The following GMCL1 variants were observed in gnomAD, a reference collection of about 807,000 sequenced individuals.
The protein encoded by GMCL1 is germ cell-less protein-like 1.
GMCL1 carries 54 observed loss-of-function variants against 75.5 expected under a neutral mutation model. The ratio of observed to expected loss-of-function variants is 0.71; its 90% CI spans 0.57 to 0.90. The LOEUF is 0.90. Among genes scored for constraint, GMCL1 ranks in the 40% least tolerant of loss-of-function variants. GMCL1 has a pLI of 0.00. For synonymous variants in GMCL1, 210 were observed against 209.6 expected (o/e 1.00, Z -0.02); for missense variants, 537 against 622.7 (o/e 0.86, Z 1.47).
Position 69,847,528 on chromosome 2 carries a change from A to G in GMCL1, c.759-15A>G, listed in dbSNP as rs1218832218. 9 of 1,542,084 alleles carry G rather than the reference A, an allele frequency of 5.8e-6. No homozygotes were observed. The highest frequency in any genetic ancestry group is 8.1e-6 in the Non-Finnish European group (9 of 1,115,064). On this transcript the variant is annotated splice_polypyrimidine_tract_variant and intron_variant, in intron 6 of 13. Coordinates refer to ENST00000282570, the MANE Select transcript of GMCL1 (RefSeq NM_178439.5). Reference sequence around the variant, plus strand: ...GCCTAAAGATAAGCTCACTCCCTCTATTTATCCTTTTCAGTATAAATGTCA... The same window carrying G: ...GCCTAAAGATAAGCTCACTCCCTCTGTTTATCCTTTTCAGTATAAATGTCA...
At chr2:69,835,496 T>C (rs1490808280) in intron 1 of GMCL1, among the ~76,000 whole-genome samples, 2 of 151,874 alleles carry the variant, frequency 1.3e-5, no homozygotes, top group Admixed American at 6.6e-5. Flanking sequence ...TGTCCACTTA[T>C]ATTTAAGAAG....
Position 69,837,526 on chromosome 2 carries a change from CTTT to C in GMCL1, c.261-18_261-16del. ...CATTCAGTTTTATATAAATATGTGA[CTTT>C]TTCATTTCTTTTAACAGGAAAAAAT... On this transcript the variant is annotated intron_variant, in intron 1 of 13. Coordinates refer to ENST00000282570, the MANE Select transcript of GMCL1 (RefSeq NM_178439.5). 1 of 1,464,032 alleles carries C rather than the reference CTTT, an allele frequency of 6.8e-7. No individual in the cohort carries two copies. The highest frequency in any genetic ancestry group is 9.2e-7 in the Non-Finnish European group (1 of 1,083,058). 90.7% of individuals were successfully genotyped at this position (1,464,032 alleles called of 1,614,324 possible). A position where few individuals can be genotyped will look rare whatever the true frequency, so the allele number is the denominator to read the frequency against.
At position 69,830,643 on chromosome 2, in the gene GMCL1, C is replaced by G. The variant is rs139669778; in HGVS notation, c.260+491C>G. Among the ~76,000 whole-genome samples the G allele has an allele frequency of 4.5e-4, 69 of 152,172 alleles. No homozygotes were observed. In the East Asian group the frequency reaches 0.011, roughly 24 times the overall value. ...TGTTAATTGTAAAGGTGAAGTTTAT[C>G]AATAGTGTACATTTGTTCCTAACTA... On this transcript the variant is annotated intron_variant, in intron 1 of 13. Coordinates refer to ENST00000282570, the MANE Select transcript of GMCL1 (RefSeq NM_178439.5).
rs1032145317 is a variant in GMCL1 at position 69,839,568 on chromosome 2, A to G, written c.481+15A>G. 7.5e-7 allele frequency: 1 copy of G among 1,337,250 alleles called. No homozygotes were observed. Among genetic ancestry groups the G allele is most frequent in the Non-Finnish European group, 1.1e-6 (1 of 932,676 alleles). 82.8% of individuals were successfully genotyped at this position (1,337,250 alleles called of 1,614,324 possible). ...TGATGTAGAAGGTAACTACCACAAT[A>G]ATTACTATTATGCAACAATCGTAAA... On this transcript the variant is annotated intron_variant, in intron 3 of 13. Coordinates refer to ENST00000282570, the MANE Select transcript of GMCL1 (RefSeq NM_178439.5).
At chr2:69,846,145 A>G (rs1675134319) in intron 6 of GMCL1, among the ~76,000 whole-genome samples, 1 of 151,802 alleles carries the variant, frequency 6.6e-6, no homozygotes, top group African/African-American at 2.4e-5. Flanking sequence ...CCTTTACGAG[A>G]TAATTTGGTA....
chr2:69,840,030 C>T (rs1674937025), intron 3 of GMCL1: 1 of 153,778 alleles, frequency 6.5e-6, no homozygotes, highest in South Asian at 2.0e-4. Flanking sequence ...CTGTGTCAGA[C>T]TACAGCTCTC....
At chr2:69,877,212 C>T (rs756042573) in intron 13 of GMCL1, among the ~76,000 whole-genome samples, 1 of 152,106 alleles carries the variant, frequency 6.6e-6, no homozygotes, top group African/African-American at 2.4e-5. Context: ...TTAGGTGAAA[C>T]AACAGATTTG....
intron 6 of GMCL1, 40 bp from the exon 7 acceptor site, chr2:69,847,503 G>A: frequency 8.2e-7 from 1 of 1,225,098 alleles, no homozygotes. Flanking sequence ...TTTAGCCTGT[G>A]CCTAAAGATA....
chr2:69,865,036 A>G, intron 11 of GMCL1, 61 bp downstream of exon 11: 1 of 1,214,330 alleles, frequency 8.2e-7, no homozygotes, highest in Admixed American at 1.7e-5. Flanking sequence ...CACATCCTGC[A>G]CCTGTAAGTA....
chr2:69,845,347 C>T (rs564488969), intron 6 of GMCL1, among the ~76,000 whole-genome samples: 1 of 152,156 alleles, frequency 6.6e-6, no homozygotes, highest in African/African-American at 2.4e-5. Context: ...CGCAGTCACC[C>T]GTGAGAAATG....
chr2:69,867,752 C>T (rs1461209436), intron 11 of GMCL1, among the ~76,000 whole-genome samples: 1 of 152,182 alleles, frequency 6.6e-6, no homozygotes, highest in African/African-American at 2.4e-5. Context: ...AGACAAACAC[C>T]GTACCCCATT....
At chr2:69,862,782 A>C (rs1675695053) in intron 10 of GMCL1, among the ~76,000 whole-genome samples, 1 of 152,168 alleles carries the variant, frequency 6.6e-6, no homozygotes, top group South Asian at 2.1e-4. Context: ...GATTGTTGAA[A>C]TACAAATAAT....
At chr2:69,866,867 T>A (rs1675831778) in intron 11 of GMCL1, among the ~76,000 whole-genome samples, 1 of 152,206 alleles carries the variant, frequency 6.6e-6, no homozygotes, top group Admixed American at 6.5e-5. Flanking sequence ...CTTGTTACTT[T>A]GAAGCAAATT....
chr2:69,854,950 A>G lies in GMCL1; in HGVS notation c.1062A>G (p.Val354=). 6.2e-7 allele frequency: 1 copy of G among 1,602,894 alleles called. No individual in the cohort carries two copies. Among genetic ancestry groups the G allele is most frequent in the Non-Finnish European group, 8.5e-7 (1 of 1,173,688 alleles). The change falls in exon 9 of 14, where the codon GTA becomes GTG. Residue 354 remains valine, a synonymous_variant. Transcript: ENST00000282570. ...ASARIIEQDA[V]VPSEWLSSVY... is the part of the protein sequence containing the mutation. ...CAAGAATTATTGAACAAGATGCTGT[A>G]GTACCTTCAGGTAAGAGAACATAAT... is the stretch of plus-strand genomic sequence containing the variant.
chr2:69,837,997 A>AT, intron 2 of GMCL1, among the ~76,000 whole-genome samples: 1 of 152,092 alleles, frequency 6.6e-6, no homozygotes, highest in Admixed American at 6.5e-5. Flanking sequence ...TGTAGTGTTT[A>AT]TTTTGCTTAT....
intron 8 of GMCL1, among the ~76,000 whole-genome samples, chr2:69,850,397 GAA>G (rs1675283061): frequency 6.6e-6 from 1 of 152,122 alleles, no homozygotes; most frequent in African/African-American, 2.4e-5. Flanking sequence ...AACATATCTA[GAA>G]AAAGTATTTT....
intron 9 of GMCL1, among the ~76,000 whole-genome samples, chr2:69,856,668 T>TA (rs1165251344): frequency 4.9e-4 from 54 of 109,932 alleles, no homozygotes; most frequent in African/African-American, 1.1e-3. Flanking sequence ...TTTTTTTTTT[T>TA]AACTTCCAGA....
chr2:69,839,024 T>A, intron 2 of GMCL1, among the ~76,000 whole-genome samples: 1 of 152,216 alleles, frequency 6.6e-6, no homozygotes, highest in Non-Finnish European at 1.5e-5. Flanking sequence ...TTCAGGTCCA[T>A]TCTGGACATT....
chr2:69,857,270 T>G (rs1222155898), intron 9 of GMCL1, among the ~76,000 whole-genome samples: 2 of 152,210 alleles, frequency 1.3e-5, no homozygotes, highest in Non-Finnish European at 2.9e-5. Context: ...CAACTCTGTG[T>G]CCTTCACTTG....
Sources: allele counts gnomAD v4.1 joint callset (sites outside exome capture counted in the v4.1 genomes callset), GRCh38; gene constraint gnomAD v4.1.1; transcripts MANE v1.5; gene names NCBI Gene and HGNC (gene_info 2026-07-23, HGNC 2026-07-21).